The following GSTO1 variants were observed in gnomAD, a reference collection of about 807,000 sequenced individuals.
The protein encoded by GSTO1 is glutathione S-transferase omega-1.
In GSTO1, 27 loss-of-function variants were observed where a neutral mutation model predicts 23.8. That is an observed-to-expected ratio of 1.13 (90% confidence interval 0.83 to 1.56). The LOEUF is 1.56. GSTO1 is among the 40% of genes most tolerant of loss of function. The pLI is 0.00. For synonymous variants in GSTO1, 105 were observed against 109.3 expected (o/e 0.96, Z 0.25); for missense variants, 255 against 285.8 (o/e 0.89, Z 0.78).
chr10:104,267,398 G>A lies in GSTO1; in HGVS notation c.719G>A (p.Gly240Glu). Residue 240 changes from glycine (G) to glutamate (E), a missense_variant, in exon 6 of 6, where the codon GGG becomes GAG. Coordinates refer to ENST00000369713, the MANE Select transcript of GSTO1 (RefSeq NM_004832.3). ...LQNSPEACDY[G>E]L ...AACAGCCCTGAGGCCTGTGACTATG[G>A]GCTCTGAAGGGGGCAGGAGTCAGCA... 1 of 1,607,282 alleles carries A rather than the reference G, an allele frequency of 6.2e-7. No individual in the cohort carries two copies. The highest frequency in any genetic ancestry group is 8.5e-7 in the Non-Finnish European group (1 of 1,177,434).
Position 104,259,702 on chromosome 10 carries a change from T to A in GSTO1, c.270T>A (p.Cys90Ter). 6.2e-7 allele frequency: 1 copy of A among 1,613,542 alleles called. No homozygotes were observed. The highest frequency in any genetic ancestry group is 8.5e-7 in the Non-Finnish European group (1 of 1,179,540). ...TGATCTACGAGTCTGCCATCACCTGTGAGTACCTGGATGAAGCATACCCAG... is the reference window on the plus strand; with the variant it reads ...TGATCTACGAGTCTGCCATCACCTGAGAGTACCTGGATGAAGCATACCCAG... ...GQLIYESAITCEYLDEAYPGK... is the reference protein window; with the variant it reads ...GQLIYESAIT Residue 90 changes from cysteine to a stop codon, truncating the protein, a stop_gained, in exon 3 of 6, where the codon TGT becomes TGA. Transcript: ENST00000369713. LOFTEE classifies it high-confidence loss of function.
In GSTO1 at chr10:104,263,453, A is replaced by G. The variant is rs549386831; in HGVS notation, c.465+376A>G. Among the ~76,000 whole-genome samples, 3 of 152,368 alleles carry G rather than the reference A, an allele frequency of 2.0e-5. No individual in the cohort carries two copies. In the South Asian group the frequency reaches 6.2e-4, roughly 32 times the overall value. ...TAATATAGCTCTAATCAGAGCATAG[A>G]TATCATTCTGTGTCCTGCTTTTTTT... On this transcript the variant is annotated intron_variant, in intron 4 of 5. Transcript: ENST00000369713.
intron 3 of GSTO1, among the ~76,000 whole-genome samples, chr10:104,260,718 A>G (rs565560231): frequency 2.6e-5 from 4 of 152,234 alleles, no homozygotes; most frequent in Non-Finnish European, 5.9e-5. Flanking sequence ...TACGGTCAGT[A>G]TATAAAGGAT....
chr10:104,266,731 CAA>C (rs34936106), intron 5 of GSTO1, among the ~76,000 whole-genome samples: 70 of 135,554 alleles, frequency 5.2e-4, no homozygotes, highest in African/African-American at 4.9e-4. Flanking sequence ...GACACTTCAT[CAA>C]AAAAAAAAAA....
chr10:104,256,430 C>T (rs1367451337), intron 2 of GSTO1, among the ~76,000 whole-genome samples: 1 of 152,136 alleles, frequency 6.6e-6, no homozygotes, highest in Non-Finnish European at 1.5e-5. Context: ...TGTGCTTCAC[C>T]CTGGACCTTT....
intron 5 of GSTO1, among the ~76,000 whole-genome samples, chr10:104,266,777 T>C (rs1042145345): frequency 1.3e-5 from 2 of 151,552 alleles, no homozygotes; most frequent in Non-Finnish European, 2.9e-5. Flanking sequence ...TTTGTAAGGA[T>C]GTTGTTGCGG....
In GSTO1 at chr10:104,263,071, A is replaced by T; in HGVS notation, c.459A>T (p.Leu153=). ...KEEFRKEFTK[L]EEVLTNKKTT... ...AATTTCGTAAAGAATTTACCAAGCT[A>T]GAGGAGGTAATTATTTCTCCTAGCT... Residue 153 remains leucine, a synonymous_variant, in exon 4 of 6, where the codon CTA becomes CTT. Transcript: ENST00000369713. The T allele has an allele frequency of 2.3e-6, 3 of 1,303,140 alleles. No individual in the cohort carries two copies. The highest frequency in any genetic ancestry group is 3.3e-6 in the Non-Finnish European group (3 of 902,990). 80.7% of individuals were successfully genotyped at this position (1,303,140 alleles called of 1,614,324 possible).
chr10:104,260,837 G>A (rs1434580176), intron 3 of GSTO1, among the ~76,000 whole-genome samples: 1 of 152,224 alleles, frequency 6.6e-6, no homozygotes, highest in Non-Finnish European at 1.5e-5. Flanking sequence ...CAGGAAGAGT[G>A]AGTCATCTGC....
chr10:104,264,191 T>C (rs2011161006), intron 4 of GSTO1, among the ~76,000 whole-genome samples: 1 of 152,192 alleles, frequency 6.6e-6, no homozygotes, highest in Non-Finnish European at 1.5e-5. Flanking sequence ...TTTAAAACAT[T>C]TGAGCCTGGT....
At chr10:104,264,376 G>A (rs1003986120) in intron 4 of GSTO1, among the ~76,000 whole-genome samples, 1 of 152,104 alleles carries the variant, frequency 6.6e-6, no homozygotes, top group Non-Finnish European at 1.5e-5. Flanking sequence ...TAGTTTAGTA[G>A]TAGACAGAAC....
At chr10:104,263,893 G>T (rs1307282729) in intron 4 of GSTO1, among the ~76,000 whole-genome samples, 1 of 151,390 alleles carries the variant, frequency 6.6e-6, no homozygotes, top group Non-Finnish European at 1.5e-5. Context: ...TCTTAATCTG[G>T]TGAATATGGT....
chr10:104,264,065 C>T (rs1226441766), intron 4 of GSTO1, among the ~76,000 whole-genome samples: 1 of 152,034 alleles, frequency 6.6e-6, no homozygotes, highest in Non-Finnish European at 1.5e-5. Context: ...ATTTTCTACT[C>T]TTATAGTATC....
intron 3 of GSTO1, among the ~76,000 whole-genome samples, chr10:104,260,173 T>C (rs74154769): frequency 0.074 from 11,225 of 152,208 alleles, 1,392 homozygotes; most frequent in African/African-American, 0.26. Context: ...GGCAGGCTGG[T>C]TAGTGCTCTA....
At chr10:104,266,515 T>C (rs529344423) in intron 5 of GSTO1, among the ~76,000 whole-genome samples, 7 of 152,342 alleles carry the variant, frequency 4.6e-5, no homozygotes, top group African/African-American at 1.7e-4. Flanking sequence ...GACGGGTGGA[T>C]CATCTGAGGT....
rs2135057215 is a variant in GSTO1, at chr10:104,259,809, A to G, written c.366+11A>G. On this transcript the variant is annotated intron_variant, in intron 3 of 5. Transcript: ENST00000369713. The stretch of plus-strand genomic sequence containing the variant: ...GAGTTGTTTTCTAAGGTTTGTGCAT[A>G]AGAAATTTCAGCTCCTATTTGAAAA... 1 of 1,559,538 alleles carries G rather than the reference A, an allele frequency of 6.4e-7. No individual in the cohort carries two copies. Among genetic ancestry groups the G allele is most frequent in the Non-Finnish European group, 8.8e-7 (1 of 1,132,928 alleles).
At chr10:104,266,001 C>T in intron 4 of GSTO1, 83 bp from the exon 5 acceptor site, 3 of 724,310 alleles carry the variant, frequency 4.1e-6, no homozygotes, top group Non-Finnish European at 7.4e-6. Flanking sequence ...CTCTCACCTG[C>T]TCTACTTATT....
At chr10:104,255,124 C>G in intron 1 of GSTO1, 39 bp from the exon 2 acceptor site, 1 of 1,530,118 alleles carries the variant, frequency 6.5e-7, no homozygotes, top group Non-Finnish European at 9.0e-7. Context: ...GGTCTCGACA[C>G]CTCTCTGGGC....
chr10:104,267,283 T>G lies in GSTO1; in HGVS notation c.604T>G (p.Trp202Gly), dbSNP rs1274976017. The change falls in exon 6 of 6, where the codon TGG becomes GGG. Residue 202 changes from tryptophan (W) to glycine (G), a missense_variant. Coordinates refer to ENST00000369713, the MANE Select transcript of GSTO1 (RefSeq NM_004832.3). Reference sequence around the variant, plus strand: ...AGACCACACTCCAAAACTGAAACTGTGGATGGCAGCCATGAAGGAAGATCC... The same window carrying G: ...AGACCACACTCCAAAACTGAAACTGGGGATGGCAGCCATGAAGGAAGATCC... Reference protein sequence around the residue: ...CVDHTPKLKLWMAAMKEDPTV... With the variant: ...CVDHTPKLKLGMAAMKEDPTV... 1 of 1,613,454 alleles carries G rather than the reference T, an allele frequency of 6.2e-7. No individual in the cohort carries two copies. Among genetic ancestry groups the G allele is most frequent in the East Asian group, 2.2e-5 (1 of 44,884 alleles).
Position 104,260,746 on chromosome 10 carries a change from A to C in GSTO1, c.366+948A>C, listed in dbSNP as rs184361570. ...TAAAGGATTATCTTTAGAGAAAAAGATGGTTAAAGAAATGCCCTAAGAGAG... is the reference window on the plus strand; with the variant it reads ...TAAAGGATTATCTTTAGAGAAAAAGCTGGTTAAAGAAATGCCCTAAGAGAG... On this transcript the variant is annotated intron_variant, in intron 3 of 5. Transcript: ENST00000369713. Among the ~76,000 whole-genome samples the C allele has an allele frequency of 2.0e-5, 3 of 152,334 alleles. No individual in the cohort carries two copies. The East Asian group carries it at 5.8e-4, about 29-fold the overall frequency.
Sources: allele counts gnomAD v4.1 joint callset (sites outside exome capture counted in the v4.1 genomes callset), GRCh38; gene constraint gnomAD v4.1.1; transcripts MANE v1.5; gene names NCBI Gene and HGNC (gene_info 2026-07-23, HGNC 2026-07-21).